The following SLC36A4 variants were observed in gnomAD, a reference collection of about 807,000 sequenced individuals.
The protein encoded by SLC36A4 is solute carrier family 36 member 4.
In SLC36A4, 49 loss-of-function variants were observed where a neutral mutation model predicts 50.5. The observed-to-expected ratio is 0.97, with a 90% CI of 0.77 to 1.23. SLC36A4 has a LOEUF of 1.23. SLC36A4 is among the 50% of genes most tolerant of loss of function. The probability of loss-of-function intolerance (pLI) is 0.00; values close to 1 mark genes in which losing one functional copy is unlikely to be tolerated. For missense variants in SLC36A4, 611 were observed against 608.4 expected, an observed-to-expected ratio of 1.00 and a Z score of -0.05; for synonymous variants, 207 against 206.5, an observed-to-expected ratio of 1.00 and a Z score of -0.02.
chr11:93,175,294 T>C (rs1418958827), intron 6 of SLC36A4, among the ~76,000 whole-genome samples: 2 of 152,046 alleles, frequency 1.3e-5, no homozygotes, highest in African/African-American at 2.4e-5. Flanking sequence ...GGTGATGATA[T>C]CCCCTTTATC....
chr11:93,172,103 C>T (rs1368142539), intron 6 of SLC36A4, among the ~76,000 whole-genome samples: 2 of 151,534 alleles, frequency 1.3e-5, no homozygotes, highest in Non-Finnish European at 2.9e-5. Context: ...TTGCAAATAT[C>T]TAGTAAAAGT....
intron 1 of SLC36A4, chr11:93,197,468 G>C (rs983329182): frequency 4.4e-6 from 2 of 452,052 alleles, no homozygotes; most frequent in African/African-American, 4.2e-5. Flanking sequence ...CGTGAGTCAC[G>C]GCGCAGGCTC....
chr11:93,164,185 T>C lies in SLC36A4; in HGVS notation c.868-1310A>G, dbSNP rs561349642. Among the ~76,000 whole-genome samples, 6 of 152,300 alleles carry C rather than the reference T, an allele frequency of 3.9e-5. No individual in the cohort carries two copies. The South Asian group carries it at 1.2e-3, about 32-fold the overall frequency. Reference sequence around the variant, plus strand: ...TCTCTCAGGAGACAGAACTAGGAAGTATATGCATGTATACTAACCCATGTA... The same window carrying C: ...TCTCTCAGGAGACAGAACTAGGAAGCATATGCATGTATACTAACCCATGTA... On this transcript the variant is annotated intron_variant, in intron 8 of 10. Transcript: ENST00000326402.
At chr11:93,157,083 C>A (rs746045157) in intron 9 of SLC36A4, among the ~76,000 whole-genome samples, 1 of 152,158 alleles carries the variant, frequency 6.6e-6, no homozygotes, top group African/African-American at 2.4e-5. Flanking sequence ...TATCCTAGCA[C>A]CATTTATTGA....
At chr11:93,153,607 A>C (rs758065231) in intron 10 of SLC36A4, among the ~76,000 whole-genome samples, 20 of 152,132 alleles carry the variant, frequency 1.3e-4, no homozygotes, top group Non-Finnish European at 2.4e-4. Context: ...TACCTTGAGA[A>C]GGCATTTTAT....
At chr11:93,183,352 T>G (rs1370596920) in intron 3 of SLC36A4, among the ~76,000 whole-genome samples, 1 of 152,164 alleles carries the variant, frequency 6.6e-6, no homozygotes, top group East Asian at 1.9e-4. Flanking sequence ...TATAAAATAA[T>G]TATTTCAAAA....
intron 1 of SLC36A4, among the ~76,000 whole-genome samples, chr11:93,194,743 G>A (rs975355067): frequency 6.6e-6 from 1 of 152,070 alleles, no homozygotes; most frequent in African/African-American, 2.4e-5. Flanking sequence ...CTCTCATTAT[G>A]TTCTCATTCT....
chr11:93,149,684 A>T (rs1590925266), intron 10 of SLC36A4, among the ~76,000 whole-genome samples: 1 of 152,208 alleles, frequency 6.6e-6, no homozygotes, highest in East Asian at 1.9e-4. Flanking sequence ...AGACAAAGAA[A>T]GTCAAGGACA....
rs769373136 is a variant in SLC36A4, at chr11:93,162,895, C to A, written c.868-20G>T. On this transcript the variant is annotated intron_variant, in intron 8 of 10. Coordinates refer to ENST00000326402, the MANE Select transcript of SLC36A4 (RefSeq NM_152313.4). ...AAGGACCTAAGAAAAGAATACAATA[C>A]TTTTTTTTAAGGGAATACAAGTATT... The A allele has an allele frequency of 1.2e-6, 2 of 1,602,696 alleles. No homozygotes were observed. Among genetic ancestry groups the A allele is most frequent in the Admixed American group, 3.5e-5 (2 of 57,498 alleles).
At position 93,182,849 on chromosome 11, in the gene SLC36A4, A is replaced by G. The variant is rs1861796488; in HGVS notation, c.316T>C (p.Cys106Arg). Reference protein sequence around the residue: ...LVFIGIISVHCMHILVRCSHF... With the variant: ...LVFIGIISVHRMHILVRCSHF... ...CTGCAACGTACCAATATGTGCATAC[A>G]GTGAACAGAAATAATTCCTATAAAC... The change falls in exon 4 of 11, where the codon TGT becomes CGT. Residue 106 changes from cysteine to arginine, a missense_variant. By Grantham distance (180) the Cys-to-Arg change is radical (BLOSUM62 -3). Coordinates refer to ENST00000326402, the MANE Select transcript of SLC36A4 (RefSeq NM_152313.4). 5 of 1,613,190 alleles carry G rather than the reference A, an allele frequency of 3.1e-6. No homozygotes were observed. The highest frequency in any genetic ancestry group is 2.5e-6 in the Non-Finnish European group (3 of 1,179,556).
intron 1 of SLC36A4, among the ~76,000 whole-genome samples, chr11:93,194,658 T>A (rs371203427): frequency 2.6e-5 from 4 of 152,216 alleles, no homozygotes; most frequent in African/African-American, 9.6e-5. Flanking sequence ...TAAAAATTAC[T>A]TCATTACCCA....
At chr11:93,185,202 T>C (rs1276251037) in intron 2 of SLC36A4, 1 of 152,242 alleles carries the variant, frequency 6.6e-6, no homozygotes, top group African/African-American at 2.4e-5. Context: ...ACAAAAATGT[T>C]TACCTAAATA....
intron 1 of SLC36A4, among the ~76,000 whole-genome samples, chr11:93,192,846 TC>T (rs1590993066): frequency 6.6e-6 from 1 of 152,160 alleles, no homozygotes; most frequent in East Asian, 1.9e-4. Context: ...TTAACCAGAT[TC>T]CTCTGGGCCT....
intron 1 of SLC36A4, among the ~76,000 whole-genome samples, chr11:93,189,227 C>A (rs1862114839): frequency 6.6e-6 from 1 of 151,812 alleles, no homozygotes; most frequent in African/African-American, 2.4e-5. Context: ...CCACGCCCAG[C>A]TAATTTTTGT....
chr11:93,174,130 T>C (rs1408377962), intron 6 of SLC36A4, among the ~76,000 whole-genome samples: 4 of 150,648 alleles, frequency 2.7e-5, no homozygotes, highest in African/African-American at 9.7e-5. Flanking sequence ...CATTGAGCAG[T>C]GGTTTGTAGT....
chr11:93,144,243 G>C lies in SLC36A4; in HGVS notation c.*4294C>G, dbSNP rs1380611622. The C allele has an allele frequency of 6.6e-6, 1 of 151,910 alleles. No individual in the cohort carries two copies. Among genetic ancestry groups the C allele is most frequent in the Non-Finnish European group, 1.5e-5 (1 of 67,942 alleles). 9.4% of individuals were successfully genotyped at this position (151,910 alleles called of 1,614,324 possible). ...TTTAAGACAGCGTTTTTCATATTCT[G>C]TTATAAAGAAAAATGTTAAAAGAAT... On this transcript the variant is annotated 3_prime_UTR_variant, in exon 11 of 11. Transcript: ENST00000326402.
intron 6 of SLC36A4, among the ~76,000 whole-genome samples, chr11:93,175,842 T>C (rs1861438244): frequency 1.5e-5 from 1 of 66,982 alleles, no homozygotes. Context: ...TTCTTTTACA[T>C]TTGCTGAGGA....
At chr11:93,181,810 A>G in intron 4 of SLC36A4, 24 bp from the exon 5 acceptor site, 1 of 1,514,742 alleles carries the variant, frequency 6.6e-7, no homozygotes, top group Non-Finnish European at 8.9e-7. Flanking sequence ...ACATACATAC[A>G]AAGGAAAAAA....
chr11:93,162,046 G>A (rs1023014225), intron 9 of SLC36A4, among the ~76,000 whole-genome samples: 1 of 152,000 alleles, frequency 6.6e-6, no homozygotes, highest in Non-Finnish European at 1.5e-5. Context: ...AAATAGCAAG[G>A]ACCATAAATG....
Sources: gnomAD v4.1 joint callset for allele counts (sites outside exome capture counted in the v4.1 genomes callset) on GRCh38, gnomAD v4.1.1 for gene constraint, MANE v1.5 for transcripts, NCBI Gene and HGNC (gene_info 2026-07-23, HGNC 2026-07-21) for gene names.